Variants in CACNB2 observed in about 807,000 individuals in gnomAD.
CACNB2 encodes calcium voltage-gated channel auxiliary subunit beta 2.
In CACNB2, 42 loss-of-function variants were observed where a neutral mutation model predicts 73.3. The ratio of observed to expected loss-of-function variants is 0.57; its 90% CI spans 0.45 to 0.74. CACNB2 has a LOEUF of 0.74. Among genes scored for constraint, CACNB2 ranks in the 30% least tolerant of loss-of-function variants. CACNB2 has a pLI of 0.00. For synonymous variants in CACNB2, 348 were observed against 310.3 expected (o/e 1.12, Z -1.28); for missense variants, 940 against 853.0 (o/e 1.10, Z -1.27).
At chr10:18,204,660 A>G (rs905269772) in intron 2 of CACNB2, among the ~76,000 whole-genome samples, 3 of 152,210 alleles carry the variant, frequency 2.0e-5, no homozygotes, top group Admixed American at 2.0e-4. Context: ...AGATAACAAA[A>G]CTATGGCATG....
At chr10:18,164,625 G>T (rs1210968460) in intron 2 of CACNB2, among the ~76,000 whole-genome samples, 2 of 151,684 alleles carry the variant, frequency 1.3e-5, no homozygotes, top group African/African-American at 4.8e-5. Context: ...CTGAAGCTGT[G>T]ATCTATAAGG....
intron 3 of CACNB2, among the ~76,000 whole-genome samples, chr10:18,430,442 T>C (rs1420464127): frequency 2.6e-5 from 4 of 152,050 alleles, no homozygotes; most frequent in African/African-American, 9.7e-5. Flanking sequence ...CTGCACTACA[T>C]AGGGAGACCC....
intron 2 of CACNB2, among the ~76,000 whole-genome samples, chr10:18,213,188 T>C (rs1225419923): frequency 1.3e-5 from 2 of 152,226 alleles, no homozygotes; most frequent in Non-Finnish European, 2.9e-5. Flanking sequence ...CCCCTGGGAC[T>C]GCTTTCCTTA....
intron 3 of CACNB2, among the ~76,000 whole-genome samples, chr10:18,451,503 A>C (rs1383391009): frequency 6.6e-6 from 1 of 152,200 alleles, no homozygotes; most frequent in African/African-American, 2.4e-5. Flanking sequence ...GTTGCGACAG[A>C]ATTTGTTCAA....
chr10:18,490,946 G>A (rs998959998), intron 3 of CACNB2, among the ~76,000 whole-genome samples: 4 of 152,122 alleles, frequency 2.6e-5, no homozygotes, highest in Non-Finnish European at 5.9e-5. Flanking sequence ...TTGGCCTTGG[G>A]ATCTGGAATA....
intron 2 of CACNB2, among the ~76,000 whole-genome samples, chr10:18,246,541 G>A (rs1791813972): frequency 1.3e-5 from 2 of 152,026 alleles, no homozygotes; most frequent in Admixed American, 6.6e-5. Context: ...GAAGCCTAAT[G>A]GTACCAATCT....
chr10:18,445,417 C>G (rs751615227), intron 3 of CACNB2, among the ~76,000 whole-genome samples: 1 of 152,184 alleles, frequency 6.6e-6, no homozygotes, highest in Non-Finnish European at 1.5e-5. Flanking sequence ...CCATTACACA[C>G]GTACTGGCCA....
At position 18,171,507 on chromosome 10, in the gene CACNB2, C is replaced by T. The variant is rs372290454; in HGVS notation, c.213+20532C>T. The stretch of plus-strand genomic sequence containing the variant: ...TGGAAGCTCCAGGCTCCCTTCTTCC[C>T]GGCTTTGATAGCAGAAAAAAAAAAA... On this transcript the variant is annotated intron_variant, in intron 2 of 13. Coordinates refer to ENST00000324631, the MANE Select transcript of CACNB2 (RefSeq NM_201596.3). Among the ~76,000 whole-genome samples the T allele has an allele frequency of 1.3e-4, 12 of 90,402 alleles. No individual in the cohort carries two copies. The East Asian group carries it at 1.5e-3, about 11-fold the overall frequency. 59.3% of individuals were successfully genotyped at this position (90,402 alleles called of 152,430 possible).
At chr10:18,497,690 G>A (rs953453120) in intron 3 of CACNB2, among the ~76,000 whole-genome samples, 8 of 152,144 alleles carry the variant, frequency 5.3e-5, no homozygotes, top group African/African-American at 1.9e-4. Flanking sequence ...CTCACAAAAT[G>A]CTGGGATTAC....
intron 2 of CACNB2, among the ~76,000 whole-genome samples, chr10:18,239,457 G>A (rs1049356369): frequency 6.6e-6 from 1 of 152,080 alleles, no homozygotes; most frequent in African/African-American, 2.4e-5. Context: ...CCATGTCACT[G>A]CAAGAGACAT....
At chr10:18,365,917 G>A (rs1469587244) in intron 2 of CACNB2, among the ~76,000 whole-genome samples, 1 of 152,154 alleles carries the variant, frequency 6.6e-6, no homozygotes, top group East Asian at 1.9e-4. Context: ...CTGTCAATTT[G>A]GCCTGTGGAG....
At chr10:18,364,215 A>G (rs2132240480) in intron 2 of CACNB2, among the ~76,000 whole-genome samples, 1 of 150,916 alleles carries the variant, frequency 6.6e-6, no homozygotes, top group African/African-American at 2.4e-5. Context: ...CAGCCTCTCA[A>G]AGTGCTGGGA....
intron 3 of CACNB2, among the ~76,000 whole-genome samples, chr10:18,457,380 A>G (rs1488897394): frequency 6.6e-6 from 1 of 152,044 alleles, no homozygotes; most frequent in Admixed American, 6.6e-5. Context: ...ATGAGCCACC[A>G]CACTTGGCCC....
chr10:18,235,328 C>A (rs1243732154), intron 2 of CACNB2, among the ~76,000 whole-genome samples: 2 of 149,906 alleles, frequency 1.3e-5, no homozygotes, highest in African/African-American at 2.5e-5. Context: ...CACAGCAGTG[C>A]ATGCTTGTAG....
chr10:18,496,373 A>G (rs1451954738), intron 3 of CACNB2, among the ~76,000 whole-genome samples: 1 of 152,136 alleles, frequency 6.6e-6, no homozygotes, highest in Non-Finnish European at 1.5e-5. Flanking sequence ...GGCAGGTAGA[A>G]CAAATTAACT....
At chr10:18,477,673 G>A (rs536977473) in intron 3 of CACNB2, among the ~76,000 whole-genome samples, 9 of 152,284 alleles carry the variant, frequency 5.9e-5, no homozygotes, top group African/African-American at 2.2e-4. Context: ...GGAAGAGTGG[G>A]CTGCAGAGGG....
chr10:18,451,695 C>T (rs1442236182), intron 3 of CACNB2, among the ~76,000 whole-genome samples: 1 of 152,214 alleles, frequency 6.6e-6, no homozygotes, highest in Non-Finnish European at 1.5e-5. Context: ...CCTTCACACT[C>T]ACATATTCTC....
chr10:18,462,847 C>T (rs368748121), intron 3 of CACNB2, among the ~76,000 whole-genome samples: 9 of 152,220 alleles, frequency 5.9e-5, no homozygotes, highest in African/African-American at 2.2e-4. Context: ...CAACCTCCAC[C>T]TCCCAGGTTC....
At chr10:18,191,612 C>G (rs2034399838) in intron 2 of CACNB2, among the ~76,000 whole-genome samples, 1 of 152,076 alleles carries the variant, frequency 6.6e-6, no homozygotes, top group African/African-American at 2.4e-5. Flanking sequence ...TCCACAAGTC[C>G]CCAAAGTCCA....
Sources: gnomAD v4.1 joint callset for allele counts (sites outside exome capture counted in the v4.1 genomes callset) on GRCh38, gnomAD v4.1.1 for gene constraint, MANE v1.5 for transcripts, NCBI Gene and HGNC (gene_info 2026-07-23, HGNC 2026-07-21) for gene names.